AVEN: variants seen among roughly 807,000 people sequenced by gnomAD.
The protein encoded by AVEN is apoptosis and caspase activation inhibitor.
AVEN carries 41 observed loss-of-function variants against 38.1 expected under a neutral mutation model. That is an observed-to-expected ratio of 1.08 (90% CI 0.84 to 1.40). AVEN has a LOEUF of 1.40. AVEN is among the 40% of genes most tolerant of loss of function. The probability of loss-of-function intolerance (pLI) is 0.00; values close to 1 mark genes in which losing one functional copy is unlikely to be tolerated. For synonymous variants in AVEN, 206 were observed against 171.8 expected, an observed-to-expected ratio of 1.20 and a Z score of -1.56; for missense variants, 605 against 438.8, an observed-to-expected ratio of 1.38 and a Z score of -3.38.
intron 2 of AVEN, among the ~76,000 whole-genome samples, chr15:33,953,935 T>A (rs1172711884): frequency 4.6e-5 from 7 of 151,562 alleles, no homozygotes; most frequent in Admixed American, 4.6e-4. Context: ...ACTTAAACTT[T>A]CGAGAACTTA....
chr15:34,027,443 C>T (rs981033558), intron 1 of AVEN, among the ~76,000 whole-genome samples: 1 of 151,208 alleles, frequency 6.6e-6, no homozygotes, highest in East Asian at 1.9e-4. Context: ...GCAGGAGAAT[C>T]GCTTGAACCC....
At chr15:34,018,034 A>C (rs1326244731) in intron 1 of AVEN, among the ~76,000 whole-genome samples, 6 of 152,246 alleles carry the variant, frequency 3.9e-5, no homozygotes, top group African/African-American at 7.2e-5. Context: ...TAATACTGAC[A>C]ATGATACTAA....
intron 2 of AVEN, among the ~76,000 whole-genome samples, chr15:33,897,431 G>A (rs1380612138): frequency 2.0e-5 from 3 of 152,034 alleles, no homozygotes; most frequent in Admixed American, 6.5e-5. Context: ...CACCATGCCT[G>A]GCTAATTTTT....
Position 34,063,861 on chromosome 15 carries a change from C to T in AVEN, n.1127-429G>A. ...TCAGAAATGTGTGGCCTATAAGTTC[C>T]GATTGGTGGTAAAAGCTGACGGGAA... On this transcript the variant is annotated intron_variant and non_coding_transcript_variant, in intron 4 of 11. Coordinates refer to the AVEN transcript ENST00000675287. This position sits in a 1 kb window ranked among gnomAD's most constrained non-coding sequence, Gnocchi z 4.1. 8 of 1,614,124 alleles carry T rather than the reference C, an allele frequency of 5.0e-6. No homozygotes were observed. The highest frequency in any genetic ancestry group is 1.1e-5 in the South Asian group (1 of 91,084).
downstream of AVEN, chr15:33,858,119 C>A: frequency 1.5e-6 from 1 of 647,014 alleles, no homozygotes; most frequent in Non-Finnish European, 2.6e-6. Context: ...AGGTAGTTTT[C>A]ATTACCACAC....
intron 1 of AVEN, among the ~76,000 whole-genome samples, chr15:34,011,689 C>T (rs1212726310): frequency 1.3e-5 from 2 of 152,204 alleles, no homozygotes; most frequent in African/African-American, 4.8e-5. Flanking sequence ...TGTTCAACCA[C>T]TCATCTCACA....
intron 1 of AVEN, among the ~76,000 whole-genome samples, chr15:34,072,028 G>A: frequency 6.6e-6 from 1 of 152,134 alleles, no homozygotes; most frequent in East Asian, 1.9e-4. Context: ...CACTTTGGGA[G>A]GCTGAGGCAG....
intron 1 of AVEN, among the ~76,000 whole-genome samples, chr15:34,013,423 C>T (rs537142832): frequency 1.9e-4 from 29 of 152,218 alleles, no homozygotes; most frequent in African/African-American, 6.5e-4. Flanking sequence ...CCAGGATAAA[C>T]TTATTTCTTT....
intron 2 of AVEN, among the ~76,000 whole-genome samples, chr15:33,878,975 T>C (rs1891368203): frequency 2.0e-5 from 3 of 152,174 alleles, no homozygotes. Flanking sequence ...CACAGATTAA[T>C]ATATAATTGG....
chr15:34,053,313 A>ATATAT (rs1480493613), intron 5 of AVEN, among the ~76,000 whole-genome samples: 16 of 94,586 alleles, frequency 1.7e-4, no homozygotes, highest in African/African-American at 3.5e-4. Context: ...AAAAAAAAAA[A>ATATAT]AAAAAAATAT....
chr15:33,944,011 C>T (rs1458498816), intron 2 of AVEN, among the ~76,000 whole-genome samples: 3 of 151,950 alleles, frequency 2.0e-5, no homozygotes, highest in East Asian at 1.9e-4. Context: ...CAGGATTACA[C>T]GCATGAACCA....
At chr15:33,947,807 C>A (rs1291188440) in intron 2 of AVEN, among the ~76,000 whole-genome samples, 2 of 152,122 alleles carry the variant, frequency 1.3e-5, no homozygotes, top group Non-Finnish European at 1.5e-5. Flanking sequence ...AGCAATTTAA[C>A]TGAGTGGTAT....
intron 2 of AVEN, among the ~76,000 whole-genome samples, chr15:33,954,530 T>A (rs1198045573): frequency 6.6e-6 from 1 of 151,902 alleles, no homozygotes; most frequent in Non-Finnish European, 1.5e-5. Flanking sequence ...GAAACCATCA[T>A]TCTGAGCAAA....
At chr15:34,049,284 A>C (rs1899841650) in intron 5 of AVEN, among the ~76,000 whole-genome samples, 2 of 152,210 alleles carry the variant, frequency 1.3e-5, no homozygotes, top group Non-Finnish European at 1.5e-5. Context: ...GTTGTAACCC[A>C]ATGCAAGGGA....
At chr15:33,870,672 A>G (rs1258907723) in intron 4 of AVEN, among the ~76,000 whole-genome samples, 2 of 152,216 alleles carry the variant, frequency 1.3e-5, no homozygotes, top group Non-Finnish European at 1.5e-5. Flanking sequence ...TATTTTGAGT[A>G]AAATAGCCAG....
intron 2 of AVEN, among the ~76,000 whole-genome samples, chr15:33,936,028 A>C (rs368171975): frequency 1.1e-4 from 17 of 152,330 alleles, no homozygotes; most frequent in African/African-American, 3.6e-4. Context: ...CAAGATTTAA[A>C]AAAGCAAAAA....
chr15:33,906,943 G>A (rs1892726527), intron 2 of AVEN, among the ~76,000 whole-genome samples: 1 of 151,900 alleles, frequency 6.6e-6, no homozygotes, highest in African/African-American at 2.4e-5. Context: ...TTTTTAAAAA[G>A]GGGTGTGGGG....
chr15:33,985,662 C>T (rs1896406812), intron 2 of AVEN, among the ~76,000 whole-genome samples: 1 of 151,942 alleles, frequency 6.6e-6, no homozygotes. Flanking sequence ...ATTTCTGTAC[C>T]CTCAGCACCT....
intron 2 of AVEN, among the ~76,000 whole-genome samples, chr15:33,976,424 T>C (rs1456835485): frequency 6.6e-6 from 1 of 151,776 alleles, no homozygotes; most frequent in Non-Finnish European, 1.5e-5. Flanking sequence ...TTAAGTAGAG[T>C]TATTTTAAAC....
Sources: gnomAD v4.1 joint callset for allele counts (sites outside exome capture counted in the v4.1 genomes callset) on GRCh38, gnomAD v4.1.1 for gene constraint, Gnocchi (gnomAD v3.1) non-coding constraint, MANE v1.5 for transcripts, NCBI Gene and HGNC (gene_info 2026-07-23, HGNC 2026-07-21) for gene names.